Variants in CTNNA1 observed in about 807,000 individuals in gnomAD.
CTNNA1 encodes the protein catenin alpha-1.
A neutral mutation model predicts 98.4 loss-of-function variants in CTNNA1; 37 were observed. The ratio of observed to expected loss-of-function variants is 0.38; its 90% CI spans 0.29 to 0.49. The LOEUF (loss-of-function observed/expected upper bound fraction) is 0.49, where lower values mean the gene tolerates loss of function less well. Ranked by LOEUF, CTNNA1 falls within the 20% of genes least tolerant of loss-of-function variation. The pLI is 0.95. For synonymous variants in CTNNA1, 404 were observed against 413.2 expected (o/e 0.98, Z 0.27); for missense variants, 761 against 1,147.2 (o/e 0.66, Z 4.86).
chr5:138,757,149 T>C (rs1372994528), intron 1 of CTNNA1, among the ~76,000 whole-genome samples: 4 of 151,842 alleles, frequency 2.6e-5, no homozygotes, highest in African/African-American at 9.7e-5. Context: ...CAGTGAGCTC[T>C]GATCATGTCA....
At chr5:138,791,461 CA>C (rs1402567995) in intron 3 of CTNNA1, among the ~76,000 whole-genome samples, 1 of 151,374 alleles carries the variant, frequency 6.6e-6, no homozygotes, top group Non-Finnish European at 1.5e-5. Flanking sequence ...TACTAAAATA[CA>C]AAAAATTAGC....
At chr5:138,912,698 T>C (rs2150197140) in intron 10 of CTNNA1, among the ~76,000 whole-genome samples, 1 of 152,342 alleles carries the variant, frequency 6.6e-6, no homozygotes, top group African/African-American at 2.4e-5. Context: ...AGTACAGTGA[T>C]CGTGCCTAGT....
chr5:138,870,186 C>T (rs1254912934), intron 7 of CTNNA1: 1 of 152,198 alleles, frequency 6.6e-6, no homozygotes, highest in East Asian at 1.9e-4. Context: ...TAACCAAGAT[C>T]CGCAGCGTTG....
intron 1 of CTNNA1, among the ~76,000 whole-genome samples, chr5:138,759,722 G>A: frequency 6.6e-6 from 1 of 152,180 alleles, no homozygotes; most frequent in South Asian, 2.1e-4. Flanking sequence ...GCTGTTTCAG[G>A]AATGCATTGT....
chr5:138,802,589 G>A lies in CTNNA1; in HGVS notation c.302-7449G>A, dbSNP rs557983744. Among the ~76,000 whole-genome samples the A allele has an allele frequency of 4.2e-3, 641 of 152,218 alleles. 1 individual carries two copies. The highest frequency in any genetic ancestry group is 0.017 in the Middle Eastern group (5 of 294). On this transcript the variant is annotated intron_variant, in intron 3 of 17. Transcript: ENST00000302763. Reference sequence around the variant, plus strand: ...TTACGGGAGAATCATAATTCTCTGTGATTAATCTCTGATTAAGATCAGGTT... The same window carrying A: ...TTACGGGAGAATCATAATTCTCTGTAATTAATCTCTGATTAAGATCAGGTT...
At chr5:138,929,191 TG>T (rs1764778084) in intron 13 of CTNNA1, 54 bp from the exon 14 acceptor site, 3 of 951,592 alleles carry the variant, frequency 3.2e-6, no homozygotes, top group African/African-American at 1.6e-5. Flanking sequence ...TCAGGGTGGC[TG>T]GGGGCTGGTG....
chr5:138,902,945 A>AT (rs34393744), intron 9 of CTNNA1, among the ~76,000 whole-genome samples: 6 of 151,898 alleles, frequency 4.0e-5, no homozygotes, highest in African/African-American at 1.4e-4. Context: ...TTTTGCAGTG[A>AT]TTTTTTAAGC....
At chr5:138,914,078 AGCT>A (rs1420750483) in intron 10 of CTNNA1, among the ~76,000 whole-genome samples, 2 of 152,236 alleles carry the variant, frequency 1.3e-5, no homozygotes, top group Admixed American at 6.5e-5. Context: ...TAATATTATC[AGCT>A]GTCTTTTGTA....
intron 5 of CTNNA1, among the ~76,000 whole-genome samples, chr5:138,820,608 T>G (rs766100607): frequency 6.6e-6 from 1 of 152,104 alleles, no homozygotes; most frequent in Non-Finnish European, 1.5e-5. Flanking sequence ...GGAGGCCTGG[T>G]GTTTCCTTCT....
At chr5:138,915,297 G>A (rs1761501850) in intron 10 of CTNNA1, among the ~76,000 whole-genome samples, 1 of 152,122 alleles carries the variant, frequency 6.6e-6, no homozygotes, top group South Asian at 2.1e-4. Context: ...GATCTGAATA[G>A]ACATCTCTTC....
intron 9 of CTNNA1, among the ~76,000 whole-genome samples, chr5:138,897,984 A>C (rs910415097): frequency 6.6e-6 from 1 of 152,140 alleles, no homozygotes; most frequent in Non-Finnish European, 1.5e-5. Context: ...ACAGCTTTTG[A>C]TACAGTTTGG....
At chr5:138,818,585 A>AGT (rs1356376131) in intron 5 of CTNNA1, among the ~76,000 whole-genome samples, 3 of 152,112 alleles carry the variant, frequency 2.0e-5, no homozygotes, top group African/African-American at 7.2e-5. Context: ...TAGGAGCAAT[A>AGT]GTACAGTCTT....
Position 138,847,640 on chromosome 5 carries a change from G to A in CTNNA1, c.1062+19922G>A, listed in dbSNP as rs144579533. On this transcript the variant is annotated intron_variant, in intron 7 of 17. Coordinates refer to ENST00000302763, the MANE Select transcript of CTNNA1 (RefSeq NM_001903.5). Reference sequence around the variant, plus strand: ...GCAGGAAGTAAGAAAGATGTGTTACGGTAGAGGTGGTCACCCTTAGATCAG... The same window carrying A: ...GCAGGAAGTAAGAAAGATGTGTTACAGTAGAGGTGGTCACCCTTAGATCAG... 3.0e-3 allele frequency among the ~76,000 whole-genome samples: 464 copies of A among 152,252 alleles called. 11 individuals carry two copies. The highest frequency in any genetic ancestry group is 0.024 in the Admixed American group (363 of 15,286).
At chr5:138,918,560 C>G (rs1245457400) in intron 11 of CTNNA1, among the ~76,000 whole-genome samples, 1 of 152,164 alleles carries the variant, frequency 6.6e-6, no homozygotes, top group African/African-American at 2.4e-5. Flanking sequence ...ATTCACCTCA[C>G]AAAAACAGTT....
intron 1 of CTNNA1, among the ~76,000 whole-genome samples, chr5:138,769,335 T>C (rs1753269595): frequency 6.6e-6 from 1 of 151,936 alleles, no homozygotes; most frequent in Non-Finnish European, 1.5e-5. Flanking sequence ...CCTCCCTTAG[T>C]CCCACTGTGT....
At chr5:138,910,078 C>G (rs1352168794) in intron 10 of CTNNA1, among the ~76,000 whole-genome samples, 1 of 152,180 alleles carries the variant, frequency 6.6e-6, no homozygotes, top group Non-Finnish European at 1.5e-5. Context: ...TCTGTATCCT[C>G]CCATCTCTAC....
chr5:138,877,122 G>A (rs991640798), intron 7 of CTNNA1, among the ~76,000 whole-genome samples: 3 of 152,168 alleles, frequency 2.0e-5, no homozygotes. Context: ...TTAGTAATGA[G>A]CCTGCACTAG....
At chr5:138,858,573 CTTTTTT>C (rs943674491) in intron 7 of CTNNA1, among the ~76,000 whole-genome samples, 10 of 105,390 alleles carry the variant, frequency 9.5e-5, no homozygotes, top group Non-Finnish European at 1.5e-4. Flanking sequence ...GAATATTTGG[CTTTTTT>C]TTCTTTTTCT....
intron 1 of CTNNA1, among the ~76,000 whole-genome samples, chr5:138,774,537 C>T (rs941535414): frequency 2.6e-5 from 4 of 152,120 alleles, no homozygotes; most frequent in African/African-American, 4.8e-5. Flanking sequence ...GTCCTGGCTC[C>T]TCCTAGTGGT....
Sources: gnomAD v4.1 joint callset for allele counts (sites outside exome capture counted in the v4.1 genomes callset) on GRCh38, gnomAD v4.1.1 for gene constraint, MANE v1.5 for transcripts, NCBI Gene and HGNC (gene_info 2026-07-23, HGNC 2026-07-21) for gene names.